APPBP2: variants seen among roughly 807,000 people sequenced by gnomAD.
APPBP2 encodes amyloid protein-binding protein 2.
Under a neutral mutation model 76.0 loss-of-function variants are expected in APPBP2, and 15 were observed. That is an observed-to-expected ratio of 0.20 (90% CI 0.13 to 0.30). The LOEUF (loss-of-function observed/expected upper bound fraction) is 0.30. Among genes scored for constraint, APPBP2 ranks in the 10% least tolerant of loss-of-function variants. APPBP2 has a pLI of 1.00. For synonymous variants in APPBP2, 222 were observed against 242.2 expected (o/e 0.92, Z 0.77); for missense variants, 401 against 687.2 (o/e 0.58, Z 4.66).
At chr17:60,472,031 CAGG>C (rs1270569393) in intron 4 of APPBP2, among the ~76,000 whole-genome samples, 1 of 152,150 alleles carries the variant, frequency 6.6e-6, no homozygotes, top group Non-Finnish European at 1.5e-5. Context: ...GTGGCTGAGG[CAGG>C]AGAATCGCTT....
At chr17:60,517,884 T>C (rs1440142314) in intron 1 of APPBP2, among the ~76,000 whole-genome samples, 3 of 152,216 alleles carry the variant, frequency 2.0e-5, no homozygotes, top group Non-Finnish European at 4.4e-5. Flanking sequence ...TTGAGTATCT[T>C]TTAATGTTCA....
intron 1 of APPBP2, among the ~76,000 whole-genome samples, chr17:60,522,263 CG>C (rs1390709892): frequency 1.3e-5 from 2 of 152,126 alleles, no homozygotes; most frequent in Non-Finnish European, 2.9e-5. Context: ...ATCACTTACC[CG>C]CAGCAAATGA....
At chr17:60,510,600 C>T (rs553853332) in intron 1 of APPBP2, among the ~76,000 whole-genome samples, 41 of 151,126 alleles carry the variant, frequency 2.7e-4, no homozygotes, top group Non-Finnish European at 5.3e-4. Context: ...GCGTGTGCCC[C>T]AGGTACTTGG....
At chr17:60,525,671 C>G (rs2091047492) in intron 1 of APPBP2, 123 bp downstream of exon 1, 5 of 1,440,224 alleles carry the variant, frequency 3.5e-6, no homozygotes, top group Middle Eastern at 2.5e-4. Context: ...CCGCACCAGA[C>G]GTTTCGGGAG....
intron 12 of APPBP2, among the ~76,000 whole-genome samples, chr17:60,450,781 AAAAG>A (rs1298808806): frequency 2.0e-5 from 3 of 147,886 alleles, no homozygotes; most frequent in Admixed American, 6.6e-5. Context: ...CAAAAAAAAA[AAAAG>A]AAAGAAAAAA....
intron 4 of APPBP2, among the ~76,000 whole-genome samples, chr17:60,477,070 A>AT (rs1313699684): frequency 7.2e-5 from 11 of 152,106 alleles, no homozygotes; most frequent in Non-Finnish European, 1.5e-5. Context: ...TGGGAAAGCA[A>AT]TTTTTTTCTG....
At chr17:60,513,210 C>A (rs915776433) in intron 1 of APPBP2, 9 of 373,328 alleles carry the variant, frequency 2.4e-5, no homozygotes, top group Non-Finnish European at 3.0e-5. Flanking sequence ...GCCAAGAGGG[C>A]GAGCATTCGA....
chr17:60,467,002 T>C (rs2090516236), intron 4 of APPBP2, among the ~76,000 whole-genome samples: 1 of 152,118 alleles, frequency 6.6e-6, no homozygotes, highest in African/African-American at 2.4e-5. Context: ...CAGAGTTCTT[T>C]AAACAAATTA....
chr17:60,489,644 CT>C (rs940891181), intron 3 of APPBP2, among the ~76,000 whole-genome samples: 8 of 145,018 alleles, frequency 5.5e-5, no homozygotes, highest in African/African-American at 2.1e-4. Flanking sequence ...TTAAAAATGA[CT>C]GTTAAAAGTT....
At chr17:60,480,089 C>A (rs1253319913) in intron 3 of APPBP2, among the ~76,000 whole-genome samples, 1 of 152,088 alleles carries the variant, frequency 6.6e-6, no homozygotes, top group African/African-American at 2.4e-5. Flanking sequence ...GTTACAATAA[C>A]CAGAAAACAC....
intron 4 of APPBP2, among the ~76,000 whole-genome samples, chr17:60,469,225 C>T (rs1024063730): frequency 1.3e-5 from 2 of 149,896 alleles, no homozygotes; most frequent in Non-Finnish European, 2.9e-5. Context: ...ACTTGGGAGG[C>T]TGAGGCAGAA....
rs748509921 is a variant in APPBP2, at chr17:60,447,841, CAAAAA to C, written c.1505-12_1505-8del. 15 of 1,404,490 alleles carry C rather than the reference CAAAAA, an allele frequency of 1.1e-5. No homozygotes were observed. The highest frequency in any genetic ancestry group is 1.4e-5 in the Non-Finnish European group (15 of 1,068,468). 87.0% of individuals were successfully genotyped at this position (1,404,490 alleles called of 1,614,324 possible). A position where few individuals can be genotyped will look rare whatever the true frequency, so the allele number is the denominator to read the frequency against. Reference sequence around the variant, plus strand: ...TCACCAAAAAGTTTCTTCCCTGTAACAAAAAAGAAAAAGGAAAAAAAAAAAAGCAC... The same window carrying C: ...TCACCAAAAAGTTTCTTCCCTGTAACAGAAAAAGGAAAAAAAAAAAAGCAC... On this transcript the variant is annotated splice_polypyrimidine_tract_variant and splice_region_variant and intron_variant, in intron 12 of 12. Transcript: ENST00000083182.
At position 60,454,371 on chromosome 17, in the gene APPBP2, T is replaced by C. The variant is rs2090417643; in HGVS notation, c.1269A>G (p.Glu423=). Residue 423 remains glutamate, a synonymous_variant, in exon 11 of 13, where the codon GAA becomes GAG. Transcript: ENST00000083182. ...SLQLAKKAFG[E]FNVQTAKHYG... ...AGTGTTTTGCAGTCTGTACATTAAA[T>C]TCCCCAAAAGCTTTTTTAGCTAGTT... 3 of 1,611,842 alleles carry C rather than the reference T, an allele frequency of 1.9e-6. No individual in the cohort carries two copies. Among genetic ancestry groups the C allele is most frequent in the Non-Finnish European group, 2.5e-6 (3 of 1,178,934 alleles).
Position 60,446,933 on chromosome 17 carries a change from G to C in APPBP2, c.*648C>G, listed in dbSNP as rs1252272408. On this transcript the variant is annotated 3_prime_UTR_variant, in exon 13 of 13. Coordinates refer to ENST00000083182, the MANE Select transcript of APPBP2 (RefSeq NM_006380.5). ...GCATTGTTGTACCAAAAAAAAAAAA[G>C]TCAGAAGTGCTGGTCTATCAGATTT... The C allele has an allele frequency of 1.3e-5, 2 of 151,366 alleles. No individual in the cohort carries two copies. The highest frequency in any genetic ancestry group is 4.9e-5 in the African/African-American group (2 of 40,950). The allele number at this position is 151,366 out of a possible 1,614,324, so 9.4% of individuals were successfully genotyped here.
In APPBP2 at chr17:60,484,173, C is replaced by T. The variant is rs972572503; in HGVS notation, c.380-4902G>A. 2.0e-5 allele frequency among the ~76,000 whole-genome samples: 3 copies of T among 152,152 alleles called. No individual in the cohort carries two copies. The East Asian group carries it at 5.8e-4, about 29-fold the overall frequency. On this transcript the variant is annotated intron_variant, in intron 3 of 12. Coordinates refer to ENST00000083182, the MANE Select transcript of APPBP2 (RefSeq NM_006380.5). ...AAGTCAGGTAGTGTGATGCCTCCAG[C>T]TTTGTTCTTTTGGCTTAGGATTGGC... is the stretch of plus-strand genomic sequence containing the variant.
chr17:60,483,805 G>A (rs1400377730), intron 3 of APPBP2, among the ~76,000 whole-genome samples: 5 of 152,244 alleles, frequency 3.3e-5, no homozygotes, highest in East Asian at 1.9e-4. Flanking sequence ...GTCCTTGCCC[G>A]TGCCTATGTC....
rs1234866445 is a variant in APPBP2, at chr17:60,458,830, AGTG to A, written c.1061+1830_1061+1832del. ...TCGTTCTGTCGCCACGCTGGAGTGC[AGTG>A]GTGATCTTGGCTCACTGCAACCTCC... is the stretch of plus-strand genomic sequence containing the variant. On this transcript the variant is annotated intron_variant, in intron 9 of 12. Coordinates refer to ENST00000083182, the MANE Select transcript of APPBP2 (RefSeq NM_006380.5). Among the ~76,000 whole-genome samples, 76 of 149,356 alleles carry A rather than the reference AGTG, an allele frequency of 5.1e-4. 2 individuals are homozygous for A. The East Asian group carries it at 9.7e-3, about 19-fold the overall frequency.
At chr17:60,481,862 A>G (rs1277273131) in intron 3 of APPBP2, among the ~76,000 whole-genome samples, 1 of 152,214 alleles carries the variant, frequency 6.6e-6, no homozygotes, top group Non-Finnish European at 1.5e-5. Context: ...AGAAGTATCA[A>G]TCCAGTAACC....
In APPBP2 at chr17:60,447,617, G is replaced by A. The variant is rs1317962758; in HGVS notation, c.1722C>T (p.Phe574=). ...GTCCCTCGACATTCTGAGAAATCAG[G>A]AAGGACTGCACCACTTCTTCAGTGG... The part of the protein sequence containing the change: ...PQSTEEVVQS[F]LISQNVEGPS... The change falls in exon 13 of 13, where the codon TTC becomes TTT. Residue 574 remains phenylalanine (F), a synonymous_variant. Coordinates refer to ENST00000083182, the MANE Select transcript of APPBP2 (RefSeq NM_006380.5). 3 of 1,613,660 alleles carry A rather than the reference G, an allele frequency of 1.9e-6. No homozygotes were observed. The highest frequency in any genetic ancestry group is 2.5e-6 in the Non-Finnish European group (3 of 1,179,830).
Sources: gnomAD v4.1 joint callset for allele counts (sites outside exome capture counted in the v4.1 genomes callset) on GRCh38, gnomAD v4.1.1 for gene constraint, MANE v1.5 for transcripts, NCBI Gene and HGNC (gene_info 2026-07-23, HGNC 2026-07-21) for gene names.